The following POLR3B variants were observed in gnomAD, a reference collection of about 807,000 sequenced individuals.
POLR3B encodes the protein DNA-directed RNA polymerase III subunit RPC2.
POLR3B carries 96 observed loss-of-function variants against 147.4 expected under a neutral mutation model. The ratio of observed to expected loss-of-function variants is 0.65; its 90% confidence interval spans 0.55 to 0.77. The LOEUF (loss-of-function observed/expected upper bound fraction) is 0.77. Ranked by LOEUF, POLR3B falls within the 30% of genes least tolerant of loss-of-function variation. The pLI, the probability that POLR3B is intolerant of heterozygous loss-of-function variation, is 0.00. For synonymous variants in POLR3B, 461 were observed against 485.9 expected, an observed-to-expected ratio of 0.95 and a Z score of 0.67; for missense variants, 1,036 against 1,413.5, an observed-to-expected ratio of 0.73 and a Z score of 4.28.
intron 21 of POLR3B, 48 bp downstream of exon 21, chr12:106,457,344 T>C: frequency 6.9e-7 from 1 of 1,449,302 alleles, no homozygotes; most frequent in Admixed American, 1.7e-5. Flanking sequence ...TGACATCATA[T>C]GTTATTCAAT....
At chr12:106,370,692 C>T (rs1258474034) in intron 6 of POLR3B, among the ~76,000 whole-genome samples, 1 of 145,928 alleles carries the variant, frequency 6.9e-6, no homozygotes, top group Non-Finnish European at 1.5e-5. Flanking sequence ...AGTGCAGTGG[C>T]ATGATGTTGG....
At chr12:106,395,092 C>T (rs1336169907) in intron 10 of POLR3B, among the ~76,000 whole-genome samples, 4 of 152,060 alleles carry the variant, frequency 2.6e-5, no homozygotes, top group Non-Finnish European at 5.9e-5. Flanking sequence ...ATTAGCCAGG[C>T]GTGGTGGCAG....
intron 27 of POLR3B, 28 bp from the exon 28 acceptor site, chr12:106,509,392 G>A: frequency 6.2e-7 from 1 of 1,612,694 alleles, no homozygotes; most frequent in Non-Finnish European, 8.5e-7. Context: ...GTTGCTGTCT[G>A]TCTAACGCTT....
intron 2 of POLR3B, among the ~76,000 whole-genome samples, chr12:106,364,411 G>C (rs1275048416): frequency 6.6e-6 from 1 of 152,216 alleles, no homozygotes; most frequent in Admixed American, 6.5e-5. Context: ...ACCACAGTGA[G>C]AGACCACTTG....
chr12:106,372,369 A>T (rs1190335912), intron 6 of POLR3B, among the ~76,000 whole-genome samples: 1 of 132,476 alleles, frequency 7.5e-6, no homozygotes. Flanking sequence ...GATGGAATTC[A>T]CTCTGTTGCC....
intron 19 of POLR3B, among the ~76,000 whole-genome samples, chr12:106,450,662 C>T (rs1386001809): frequency 2.6e-5 from 4 of 152,076 alleles, no homozygotes; most frequent in African/African-American, 9.7e-5. Context: ...ACTACACACT[C>T]AGAATGATTA....
At chr12:106,400,231 CAAAG>C (rs2037043048) in intron 10 of POLR3B, among the ~76,000 whole-genome samples, 1 of 152,088 alleles carries the variant, frequency 6.6e-6, no homozygotes, top group South Asian at 2.1e-4. Context: ...TCAAAAGAGA[CAAAG>C]AAGGCCATTA....
chr12:106,501,697 A>G (rs905514302), intron 26 of POLR3B, among the ~76,000 whole-genome samples: 5 of 152,246 alleles, frequency 3.3e-5, no homozygotes, highest in Admixed American at 2.6e-4. Context: ...TACTGTGTAA[A>G]TGTCTGCAAA....
At chr12:106,486,287 C>CAAAAA (rs1195017160) in intron 23 of POLR3B, among the ~76,000 whole-genome samples, 3 of 28,278 alleles carry the variant, frequency 1.1e-4, no homozygotes, top group Non-Finnish European at 3.4e-4. Context: ...GACTCCGTCT[C>CAAAAA]AAAAAAAAAA....
intron 23 of POLR3B, among the ~76,000 whole-genome samples, chr12:106,481,698 T>A (rs1334301181): frequency 6.6e-6 from 1 of 152,234 alleles, no homozygotes; most frequent in African/African-American, 2.4e-5. Context: ...TTAATTTTTT[T>A]AAACTCAGTG....
chr12:106,453,144 C>T (rs749919294), intron 19 of POLR3B, among the ~76,000 whole-genome samples: 3 of 151,484 alleles, frequency 2.0e-5, no homozygotes, highest in Non-Finnish European at 4.4e-5. Context: ...CATGCCTCAG[C>T]CACCCAAGTA....
At chr12:106,488,371 T>C (rs2038369089) in intron 23 of POLR3B, among the ~76,000 whole-genome samples, 1 of 152,254 alleles carries the variant, frequency 6.6e-6, no homozygotes, top group East Asian at 1.9e-4. Context: ...TGAAATGATT[T>C]AGTAATAACC....
Position 106,433,825 on chromosome 12 carries a change from T to C in POLR3B, c.1734T>C (p.Leu578=). The change falls in exon 16 of 28, where the codon CTT becomes CTC. Residue 578 remains leucine, a synonymous_variant. Transcript: ENST00000228347. ...AATTTGTTTCCATCTCAACAAATCTTACAGATCGATGTGTCTATATTTCTT... is the reference window on the plus strand; with the variant it reads ...AATTTGTTTCCATCTCAACAAATCTCACAGATCGATGTGTCTATATTTCTT... ...INEFVSISTN[L]TDRCVYISSD... 6.2e-7 allele frequency: 1 copy of C among 1,613,522 alleles called. No homozygotes were observed. Among genetic ancestry groups the C allele is most frequent in the Non-Finnish European group, 8.5e-7 (1 of 1,179,498 alleles).
chr12:106,450,840 G>T (rs2037785175), intron 19 of POLR3B, among the ~76,000 whole-genome samples: 1 of 151,996 alleles, frequency 6.6e-6, no homozygotes, highest in African/African-American at 2.4e-5. Context: ...TGCATTCCTA[G>T]GTATTAAATA....
At chr12:106,421,955 C>T (rs564204659) in intron 12 of POLR3B, among the ~76,000 whole-genome samples, 2 of 152,202 alleles carry the variant, frequency 1.3e-5, no homozygotes, top group Non-Finnish European at 2.9e-5. Context: ...CCGTCTCAGC[C>T]TCCCAAAGTG....
chr12:106,369,636 T>C lies in POLR3B; in HGVS notation c.357T>C (p.Tyr119=). The C allele has an allele frequency of 6.2e-7, 1 of 1,613,544 alleles. No individual in the cohort carries two copies. Among genetic ancestry groups the C allele is most frequent in the Non-Finnish European group, 8.5e-7 (1 of 1,179,498 alleles). The part of the protein sequence containing the change: ...YSAPITVDIE[Y]TRGSQRIIRN... ...CCCCTATTACAGTGGATATTGAATA[T>C]ACCCGAGGCAGCCAGAGGATCATCC... is the stretch of plus-strand genomic sequence containing the variant. Residue 119 remains tyrosine (Y), a synonymous_variant, in exon 6 of 28, where the codon TAT becomes TAC. Transcript: ENST00000228347.
chr12:106,371,072 A>T (rs1308742290), intron 6 of POLR3B, among the ~76,000 whole-genome samples: 1 of 152,200 alleles, frequency 6.6e-6, no homozygotes, highest in Non-Finnish European at 1.5e-5. Context: ...GAAAACATAA[A>T]TTCATAAGAT....
intron 23 of POLR3B, among the ~76,000 whole-genome samples, chr12:106,491,650 C>T (rs1018243773): frequency 6.6e-6 from 1 of 152,172 alleles, no homozygotes; most frequent in Admixed American, 6.5e-5. Flanking sequence ...ACCATCCTGC[C>T]AGATGTGCTC....
chr12:106,363,157 C>T (rs1054592876), intron 1 of POLR3B, among the ~76,000 whole-genome samples: 1 of 152,194 alleles, frequency 6.6e-6, no homozygotes, highest in Non-Finnish European at 1.5e-5. Context: ...TAGGTGATCT[C>T]ATCCATCACG....
Sources: allele counts gnomAD v4.1 joint callset (sites outside exome capture counted in the v4.1 genomes callset), GRCh38; gene constraint gnomAD v4.1.1; transcripts MANE v1.5; gene names NCBI Gene and HGNC (gene_info 2026-07-23, HGNC 2026-07-21).